The following SCAP variants were observed in gnomAD, a reference collection of about 807,000 sequenced individuals.
The protein encoded by SCAP is SREBF chaperone.
A neutral mutation model predicts 123.6 loss-of-function variants in SCAP; 65 were observed. The ratio of observed to expected loss-of-function variants is 0.53; its 90% CI spans 0.43 to 0.65. The LOEUF is 0.65. SCAP is among the 30% of genes least tolerant of loss of function. The pLI is 0.00. For synonymous variants in SCAP, 740 were observed against 726.3 expected (o/e 1.02, Z -0.30); for missense variants, 1,398 against 1,712.5 (o/e 0.82, Z 3.24).
intron 2 of SCAP, among the ~76,000 whole-genome samples, chr3:47,440,671 C>A (rs1253699598): frequency 6.6e-6 from 1 of 152,136 alleles, no homozygotes; most frequent in African/African-American, 2.4e-5. Flanking sequence ...GAGTTTGAGA[C>A]CAGCCTGGGC....
At chr3:47,469,026 T>C (rs1195516253) in intron 1 of SCAP, among the ~76,000 whole-genome samples, 1 of 152,188 alleles carries the variant, frequency 6.6e-6, no homozygotes, top group Non-Finnish European at 1.5e-5. Flanking sequence ...GTGAATACAT[T>C]TAATGTCACT....
At chr3:47,430,757 G>A (rs976450716) in intron 3 of SCAP, among the ~76,000 whole-genome samples, 3 of 152,164 alleles carry the variant, frequency 2.0e-5, no homozygotes, top group Admixed American at 2.0e-4. Context: ...CCTAGACAGC[G>A]GTGTACTGCG....
chr3:47,466,597 C>A (rs531822651), intron 1 of SCAP, among the ~76,000 whole-genome samples: 35 of 152,116 alleles, frequency 2.3e-4, no homozygotes, highest in African/African-American at 5.3e-4. Flanking sequence ...GATAGTTACA[C>A]GCAAAAGTGA....
intron 1 of SCAP, among the ~76,000 whole-genome samples, chr3:47,465,326 A>G (rs1202432676): frequency 1.3e-5 from 2 of 152,158 alleles, no homozygotes; most frequent in East Asian, 3.9e-4. Context: ...GTATGCCACC[A>G]CACCTGGATA....
chr3:47,426,175 C>A lies in SCAP; in HGVS notation c.738-6G>T. On this transcript the variant is annotated splice_polypyrimidine_tract_variant and splice_region_variant and intron_variant, in intron 6 of 22. Coordinates refer to ENST00000265565, the MANE Select transcript of SCAP (RefSeq NM_012235.4). ...CACGCAGGCTGCCCAGGAACCTGGT[C>A]AAGGAGCAGGGTGGGGGTAAATGGA... 1 of 1,612,250 alleles carries A rather than the reference C, an allele frequency of 6.2e-7. No individual in the cohort carries two copies. Among genetic ancestry groups the A allele is most frequent in the South Asian group, 1.1e-5 (1 of 90,878 alleles).
At position 47,439,167 on chromosome 3, in the gene SCAP, G is replaced by A. The variant is rs770608563; in HGVS notation, c.122+3705C>T. On this transcript the variant is annotated intron_variant, in intron 2 of 22. Transcript: ENST00000265565. This position sits in a 1 kb window ranked among gnomAD's most constrained non-coding sequence, Gnocchi z 4.0. ...CTTATGCCTATAATCCCAGGACTTT[G>A]GGAGGCTGAAGTGGGCAGGTTACTT... 6.6e-6 allele frequency among the ~76,000 whole-genome samples: 1 copy of A among 152,228 alleles called. No homozygotes were observed. The highest frequency in any genetic ancestry group is 1.9e-4 in the East Asian group (1 of 5,168).
chr3:47,415,963 A>G (rs750453577), intron 18 of SCAP, among the ~76,000 whole-genome samples: 2 of 152,234 alleles, frequency 1.3e-5, no homozygotes, highest in Admixed American at 1.3e-4. Context: ...AGAATTTCCA[A>G]GAAGCATGGA....
In SCAP at chr3:47,419,903, G is replaced by T. The variant is rs1232768847; in HGVS notation, c.1564-199C>A. The stretch of plus-strand genomic sequence containing the variant: ...CCAACACTTGCTGCTGGAGGGGCCT[G>T]CTTGCCTTTCCACAGTTAGGGGCTG... On this transcript the variant is annotated intron_variant, in intron 12 of 22. Coordinates refer to ENST00000265565, the MANE Select transcript of SCAP (RefSeq NM_012235.4). The surrounding 1 kb of genome is among the most constrained non-coding windows in gnomAD (Gnocchi z 5.0). 6.6e-6 allele frequency among the ~76,000 whole-genome samples: 1 copy of T among 152,194 alleles called. No homozygotes were observed. Among genetic ancestry groups the T allele is most frequent in the African/African-American group, 2.4e-5 (1 of 41,428 alleles).
At chr3:47,431,218 A>T (rs988715917) in intron 3 of SCAP, among the ~76,000 whole-genome samples, 1 of 151,858 alleles carries the variant, frequency 6.6e-6, no homozygotes, top group Non-Finnish European at 1.5e-5. Flanking sequence ...GGTAAGGAAG[A>T]TGTGGGCAGG....
chr3:47,442,078 C>G (rs983361540), intron 2 of SCAP, among the ~76,000 whole-genome samples: 2 of 151,958 alleles, frequency 1.3e-5, no homozygotes, highest in Non-Finnish European at 2.9e-5. Context: ...AGGGAGTTCC[C>G]TCCTGACTTC....
chr3:47,416,076 C>G (rs756923851), intron 18 of SCAP, among the ~76,000 whole-genome samples: 1 of 152,242 alleles, frequency 6.6e-6, no homozygotes, highest in Non-Finnish European at 1.5e-5. Context: ...TGGCAGAAAT[C>G]AACATCACTA....
intron 1 of SCAP, among the ~76,000 whole-genome samples, chr3:47,464,286 G>C (rs1313875850): frequency 6.6e-6 from 1 of 152,074 alleles, no homozygotes; most frequent in East Asian, 1.9e-4. Context: ...AAAGTGCTGG[G>C]ATTACAGGCG....
At chr3:47,467,477 T>G (rs1707867088) in intron 1 of SCAP, among the ~76,000 whole-genome samples, 1 of 151,630 alleles carries the variant, frequency 6.6e-6, no homozygotes, top group Non-Finnish European at 1.5e-5. Context: ...TGGGGGCACA[T>G]GCCTGCAGTC....
At chr3:47,467,672 T>C (rs372898041) in intron 1 of SCAP, among the ~76,000 whole-genome samples, 2 of 151,494 alleles carry the variant, frequency 1.3e-5, no homozygotes, top group South Asian at 2.1e-4. Context: ...CCAATCAACA[T>C]ATGAAAAATT....
At chr3:47,428,758 G>A (rs1013230105) in intron 3 of SCAP, 88 bp from the exon 4 acceptor site, 12 of 1,418,178 alleles carry the variant, frequency 8.5e-6, no homozygotes, top group Non-Finnish European at 1.2e-5. Context: ...ATGGGCATTG[G>A]AAACCGTGCC....
chr3:47,476,596 A>G (rs1290497064), upstream of SCAP, among the ~76,000 whole-genome samples: 2 of 152,210 alleles, frequency 1.3e-5, no homozygotes, highest in African/African-American at 4.8e-5. Context: ...TCCACAGGGA[A>G]CAGGTATTTG....
At chr3:47,418,626 T>TGGCCCCCCC in intron 14 of SCAP, 29 bp downstream of exon 14, 1 of 1,459,570 alleles carries the variant, frequency 6.9e-7, no homozygotes, top group Non-Finnish European at 9.5e-7. Context: ...CCGCACTCTT[T>TGGCCCCCCC]CCCACCCCAC....
At position 47,413,688 on chromosome 3, in the gene SCAP, CA is replaced by C; in HGVS notation, c.*165del. 1.0e-6 allele frequency: 1 copy of C among 956,604 alleles called. No individual in the cohort carries two copies. Among genetic ancestry groups the C allele is most frequent in the Non-Finnish European group, 1.6e-6 (1 of 640,642 alleles). The allele number at this position is 956,604 out of a possible 1,614,324, so 59.3% of individuals were successfully genotyped here. On this transcript the variant is annotated 3_prime_UTR_variant, in exon 23 of 23. Coordinates refer to ENST00000265565, the MANE Select transcript of SCAP (RefSeq NM_012235.4). ...AATTCCAAGAGACACAAGTAGCTCC[CA>C]AAGTGCCTGACAGATGATGATATGG...
intron 1 of SCAP, among the ~76,000 whole-genome samples, chr3:47,455,073 A>G (rs1210515452): frequency 7.5e-5 from 6 of 79,482 alleles, no homozygotes; most frequent in Non-Finnish European, 1.4e-4. Context: ...ATATATATAT[A>G]TATATATATA....
Sources: allele counts gnomAD v4.1 joint callset (sites outside exome capture counted in the v4.1 genomes callset), GRCh38; gene constraint gnomAD v4.1.1; non-coding constraint Gnocchi (gnomAD v3.1); transcripts MANE v1.5; gene names NCBI Gene and HGNC (gene_info 2026-07-23, HGNC 2026-07-21).